The following ZFAND3 variants were observed in gnomAD, a reference collection of about 807,000 sequenced individuals.
The protein encoded by ZFAND3 is zinc finger AN1-type containing 3.
A neutral mutation model predicts 29.6 loss-of-function variants in ZFAND3; 10 were observed. The observed-to-expected ratio is 0.34, with a 90% CI of 0.21 to 0.57. The LOEUF (loss-of-function observed/expected upper bound fraction) is 0.57. Ranked by LOEUF, ZFAND3 falls within the 20% of genes least tolerant of loss-of-function variation. The pLI is 0.86. For missense variants in ZFAND3, 230 were observed against 304.5 expected, an observed-to-expected ratio of 0.76 and a Z score of 1.82; for synonymous variants, 128 against 112.6, an observed-to-expected ratio of 1.14 and a Z score of -0.87.
At chr6:38,007,903 A>G (rs1382232925) in intron 2 of ZFAND3, among the ~76,000 whole-genome samples, 1 of 152,188 alleles carries the variant, frequency 6.6e-6, no homozygotes, top group East Asian at 1.9e-4. Context: ...GGAAGGGATA[A>G]CTTGAAATCT....
At position 38,013,067 on chromosome 6, in the gene ZFAND3, AAGTC is replaced by A. The variant is rs1422080311; in HGVS notation, c.113-48523_113-48520del. ...TTTTACGTAGTCAACTTTTTGTTCT[AAGTC>A]AGAGAAACAGAAAGGAAGACTCACT... is the stretch of plus-strand genomic sequence containing the variant. On this transcript the variant is annotated intron_variant, in intron 2 of 5. Transcript: ENST00000287218. Among the ~76,000 whole-genome samples the A allele has an allele frequency of 1.4e-4, 21 of 152,314 alleles. No individual in the cohort carries two copies. The South Asian group carries it at 3.3e-3, about 24-fold the overall frequency.
At chr6:38,027,557 A>G (rs1466391289) in intron 2 of ZFAND3, among the ~76,000 whole-genome samples, 1 of 152,252 alleles carries the variant, frequency 6.6e-6, no homozygotes, top group Non-Finnish European at 1.5e-5. Context: ...TGAATGTACT[A>G]AGGCTTGAAA....
chr6:37,843,645 G>T (rs1240571368), intron 1 of ZFAND3, among the ~76,000 whole-genome samples: 20 of 152,182 alleles, frequency 1.3e-4, no homozygotes, highest in Non-Finnish European at 7.3e-5. Flanking sequence ...TTAGAGACCA[G>T]TGTTTGCTTA....
chr6:38,144,171 GATATATATATATAATATATATAT>G (rs1373740190), intron 5 of ZFAND3, among the ~76,000 whole-genome samples: 3 of 87,340 alleles, frequency 3.4e-5, no homozygotes, highest in African/African-American at 5.3e-5. Flanking sequence ...AGAAAAATGT[GATATATATATATAATATATATAT>G]ATATATATAT....
At chr6:37,940,737 T>C (rs1334757722) in intron 2 of ZFAND3, among the ~76,000 whole-genome samples, 1 of 152,194 alleles carries the variant, frequency 6.6e-6, no homozygotes, top group Admixed American at 6.5e-5. Context: ...ATTTTAACTA[T>C]TATCAAAGGT....
At chr6:37,828,434 CT>C (rs1320056953) in intron 1 of ZFAND3, among the ~76,000 whole-genome samples, 3 of 152,086 alleles carry the variant, frequency 2.0e-5, no homozygotes, top group African/African-American at 7.3e-5. Context: ...GAAAAATGTA[CT>C]GGCAAAATCG....
intron 4 of ZFAND3, among the ~76,000 whole-genome samples, chr6:38,108,660 G>T (rs1765255230): frequency 6.6e-6 from 1 of 152,148 alleles, no homozygotes; most frequent in Non-Finnish European, 1.5e-5. Context: ...CTGTGTTCTG[G>T]CCATCCTGGC....
chr6:38,117,504 C>G (rs534416165), intron 5 of ZFAND3, among the ~76,000 whole-genome samples: 1 of 152,062 alleles, frequency 6.6e-6, no homozygotes, highest in African/African-American at 2.4e-5. Context: ...CACATAGGAA[C>G]GAAATTGTGT....
At chr6:38,049,106 A>G (rs749944876) in intron 2 of ZFAND3, among the ~76,000 whole-genome samples, 34 of 152,186 alleles carry the variant, frequency 2.2e-4, no homozygotes, top group Non-Finnish European at 3.4e-4. Context: ...TAGGCCACCT[A>G]ACTTCACACA....
chr6:38,097,549 G>C (rs995848070), intron 4 of ZFAND3, among the ~76,000 whole-genome samples: 1 of 152,130 alleles, frequency 6.6e-6, no homozygotes, highest in Non-Finnish European at 1.5e-5. Context: ...GACTATAAGG[G>C]ACCATAGAAA....
chr6:37,977,151 A>G (rs2645111), intron 2 of ZFAND3, among the ~76,000 whole-genome samples: 119,324 of 152,082 alleles, frequency 0.78, 47,621 homozygotes, highest in Non-Finnish European at 0.85. Context: ...GTATCTAAAC[A>G]TAAGTAGAAA....
intron 1 of ZFAND3, among the ~76,000 whole-genome samples, chr6:37,821,475 G>A (rs1763665557): frequency 6.6e-6 from 1 of 152,206 alleles, no homozygotes; most frequent in Non-Finnish European, 1.5e-5. Context: ...TGCGAGGTAG[G>A]AACCATTATC....
chr6:38,010,904 C>CTCTT, intron 2 of ZFAND3, among the ~76,000 whole-genome samples: 1 of 131,088 alleles, frequency 7.6e-6, no homozygotes, highest in Non-Finnish European at 1.6e-5. Flanking sequence ...CCCGGCCCAA[C>CTCTT]TTTTTTTTTT....
At chr6:37,854,853 A>G (rs372043091) in intron 1 of ZFAND3, among the ~76,000 whole-genome samples, 1 of 143,592 alleles carries the variant, frequency 7.0e-6, no homozygotes, top group African/African-American at 2.6e-5. Context: ...GAAGCTCTGC[A>G]GTTATATATG....
At chr6:37,976,231 A>G (rs1317880966) in intron 2 of ZFAND3, among the ~76,000 whole-genome samples, 1 of 152,138 alleles carries the variant, frequency 6.6e-6, no homozygotes, top group Non-Finnish European at 1.5e-5. Flanking sequence ...TAACTTTATT[A>G]TTTATTCATT....
chr6:38,023,929 G>A (rs890685380), intron 2 of ZFAND3, among the ~76,000 whole-genome samples: 3 of 152,092 alleles, frequency 2.0e-5, no homozygotes, highest in African/African-American at 7.2e-5. Context: ...TGAGGCAGGA[G>A]GCTTGGTTGA....
At chr6:37,886,842 A>G (rs1178896777) in intron 1 of ZFAND3, among the ~76,000 whole-genome samples, 3 of 152,176 alleles carry the variant, frequency 2.0e-5, no homozygotes, top group African/African-American at 7.2e-5. Context: ...TAAAAAAACA[A>G]AAAACCCCAA....
chr6:37,940,776 A>G (rs1581779109), intron 2 of ZFAND3, among the ~76,000 whole-genome samples: 1 of 152,342 alleles, frequency 6.6e-6, no homozygotes, highest in Middle Eastern at 3.4e-3. Flanking sequence ...TTACTTTTAA[A>G]CTAAATATTG....
intron 1 of ZFAND3, among the ~76,000 whole-genome samples, chr6:37,885,173 T>C (rs557369392): frequency 1.3e-5 from 2 of 151,840 alleles, no homozygotes; most frequent in East Asian, 3.9e-4. Flanking sequence ...TTAACATGTT[T>C]TTTAGAGACA....
Sources: allele counts gnomAD v4.1 joint callset (sites outside exome capture counted in the v4.1 genomes callset), GRCh38; gene constraint gnomAD v4.1.1; transcripts MANE v1.5; gene names NCBI Gene and HGNC (gene_info 2026-07-23, HGNC 2026-07-21).